The following MAGI2 variants were observed in gnomAD, a reference collection of about 807,000 sequenced individuals.
MAGI2 encodes the protein membrane associated guanylate kinase, WW and PDZ domain containing 2, also known as membrane-associated guanylate kinase, WW and PDZ domain-containing protein 2.
Under a neutral mutation model 133.3 loss-of-function variants are expected in MAGI2, and 35 were observed. The observed-to-expected ratio is 0.26, with a 90% CI of 0.20 to 0.35. The LOEUF is 0.35. Among genes scored for constraint, MAGI2 ranks in the 10% least tolerant of loss-of-function variants. The pLI, the probability that MAGI2 is intolerant of heterozygous loss-of-function variation, is 1.00. For synonymous variants in MAGI2, 729 were observed against 710.6 expected (o/e 1.03, Z -0.41); for missense variants, 1,636 against 1,863.4 (o/e 0.88, Z 2.25).
intron 1 of MAGI2, among the ~76,000 whole-genome samples, chr7:79,419,455 T>G (rs1268152742): frequency 6.6e-6 from 1 of 152,054 alleles, no homozygotes; most frequent in South Asian, 2.1e-4. Context: ...AGAGGACATA[T>G]GCTTTTCCTT....
At chr7:78,620,134 C>A (rs1807574158) in intron 3 of MAGI2, among the ~76,000 whole-genome samples, 1 of 151,870 alleles carries the variant, frequency 6.6e-6, no homozygotes, top group African/African-American at 2.4e-5. Flanking sequence ...TGACAAAAAT[C>A]TTAGCATCAA....
intron 2 of MAGI2, among the ~76,000 whole-genome samples, chr7:78,820,003 T>C (rs747009232): frequency 6.6e-6 from 1 of 152,000 alleles, no homozygotes; most frequent in Non-Finnish European, 1.5e-5. Flanking sequence ...TTCAGCTAAG[T>C]CCATGTATGT....
At chr7:78,468,897 T>G (rs1341874244) in intron 6 of MAGI2, among the ~76,000 whole-genome samples, 1 of 152,102 alleles carries the variant, frequency 6.6e-6, no homozygotes, top group Non-Finnish European at 1.5e-5. Context: ...CACACACGGG[T>G]GGGCAGGATC....
chr7:78,533,848 A>C (rs1447560299), intron 3 of MAGI2, among the ~76,000 whole-genome samples: 2 of 152,172 alleles, frequency 1.3e-5, no homozygotes, highest in Non-Finnish European at 2.9e-5. Flanking sequence ...GAGTGAGTGA[A>C]GGTGAGAAGG....
intron 2 of MAGI2, among the ~76,000 whole-genome samples, chr7:78,834,559 T>C (rs1238714837): frequency 1.3e-5 from 2 of 152,246 alleles, no homozygotes; most frequent in African/African-American, 4.8e-5. Flanking sequence ...ATTGTATAAA[T>C]ATACCATATT....
At chr7:78,839,375 G>A (rs1054954455) in intron 2 of MAGI2, among the ~76,000 whole-genome samples, 9 of 151,942 alleles carry the variant, frequency 5.9e-5, no homozygotes, top group Admixed American at 2.0e-4. Context: ...AAATCTTTGC[G>A]ATGCTAAAAA....
At chr7:78,159,114 C>T (rs1231404852) in intron 16 of MAGI2, among the ~76,000 whole-genome samples, 1 of 152,142 alleles carries the variant, frequency 6.6e-6, no homozygotes, top group Non-Finnish European at 1.5e-5. Flanking sequence ...CCTGAATGCT[C>T]GGGGAGACTG....
At chr7:78,582,745 T>C (rs1451721063) in intron 3 of MAGI2, among the ~76,000 whole-genome samples, 1 of 152,226 alleles carries the variant, frequency 6.6e-6, no homozygotes, top group Non-Finnish European at 1.5e-5. Context: ...CAGCTAGCAT[T>C]AAGTTAATTA....
chr7:78,783,721 C>T (rs1583873649), intron 2 of MAGI2, among the ~76,000 whole-genome samples: 1 of 152,184 alleles, frequency 6.6e-6, no homozygotes, highest in East Asian at 1.9e-4. Flanking sequence ...CAACCACATC[C>T]ACCAGTGCTG....
chr7:78,846,462 T>C (rs757835861), intron 2 of MAGI2, among the ~76,000 whole-genome samples: 1 of 151,978 alleles, frequency 6.6e-6, no homozygotes. Context: ...GCCTGTACTC[T>C]TGACTCCCAA....
intron 3 of MAGI2, among the ~76,000 whole-genome samples, chr7:78,575,403 G>A (rs1288738091): frequency 2.0e-5 from 3 of 152,146 alleles, no homozygotes; most frequent in Non-Finnish European, 4.4e-5. Context: ...TCTATTTAAT[G>A]TATATAGATG....
intron 9 of MAGI2, among the ~76,000 whole-genome samples, chr7:78,263,717 C>T (rs1318054847): frequency 6.6e-6 from 1 of 152,166 alleles, no homozygotes; most frequent in Non-Finnish European, 1.5e-5. Flanking sequence ...CCTGTCAGCT[C>T]ATCTCCCATA....
intron 7 of MAGI2, chr7:78,358,196 A>AATATATATATATATATATATATATATAT (rs59745283): frequency 5.3e-5 from 2 of 38,078 alleles, no homozygotes. Flanking sequence ...AAAAAAAAAA[A>AATATATATATATATATATATATATATAT]ATATATATAT....
chr7:79,030,268 A>T (rs143287384), intron 1 of MAGI2: 3 of 152,336 alleles, frequency 2.0e-5, no homozygotes, highest in Non-Finnish European at 4.4e-5. Context: ...CACATAGAAC[A>T]CTGGAATGAT....
At chr7:79,374,968 C>A (rs1289688767) in intron 1 of MAGI2, among the ~76,000 whole-genome samples, 1 of 151,872 alleles carries the variant, frequency 6.6e-6, no homozygotes, top group African/African-American at 2.4e-5. Flanking sequence ...ATCAAATGGC[C>A]ATGTCTGCTG....
chr7:78,576,735 T>C (rs921018084), intron 3 of MAGI2, among the ~76,000 whole-genome samples: 44 of 152,218 alleles, frequency 2.9e-4, no homozygotes, highest in African/African-American at 1.1e-3. Flanking sequence ...TTCATCAAAC[T>C]TAGCATAAAA....
chr7:78,696,313 C>G (rs960388435), intron 2 of MAGI2, among the ~76,000 whole-genome samples: 1 of 152,074 alleles, frequency 6.6e-6, no homozygotes, highest in African/African-American at 2.4e-5. Context: ...TTCTTAAAAG[C>G]AAATTTAAGC....
chr7:79,251,444 C>CA (rs56355425), intron 1 of MAGI2, among the ~76,000 whole-genome samples: 11 of 151,656 alleles, frequency 7.3e-5, no homozygotes, highest in South Asian at 4.2e-4. Context: ...AGAGATTTCT[C>CA]AAAAAAAAAG....
At chr7:79,368,839 C>T (rs1373685386) in intron 1 of MAGI2, among the ~76,000 whole-genome samples, 10 of 117,796 alleles carry the variant, frequency 8.5e-5, no homozygotes, top group Non-Finnish European at 1.5e-4. Context: ...CAGAGCGAGA[C>T]TCCGTCTCAA....
Sources: allele counts gnomAD v4.1 joint callset (sites outside exome capture counted in the v4.1 genomes callset), GRCh38; gene constraint gnomAD v4.1.1; transcripts MANE v1.5; gene names NCBI Gene and HGNC (gene_info 2026-07-23, HGNC 2026-07-21).